ADCY2: variants seen among roughly 807,000 people sequenced by gnomAD.
ADCY2 encodes adenylate cyclase type 2.
A neutral mutation model predicts 125.2 loss-of-function variants in ADCY2; 31 were observed. That is an observed-to-expected ratio of 0.25 (90% confidence interval 0.19 to 0.33). The LOEUF (loss-of-function observed/expected upper bound fraction) is 0.33, where lower values mean the gene tolerates loss of function less well. Among genes scored for constraint, ADCY2 ranks in the 10% least tolerant of loss-of-function variants. ADCY2 has a pLI of 1.00. For synonymous variants in ADCY2, 512 were observed against 548.4 expected (o/e 0.93, Z 0.93); for missense variants, 904 against 1,418.2 (o/e 0.64, Z 5.82).
chr5:7,675,570 A>C (rs1034617174), intron 4 of ADCY2, among the ~76,000 whole-genome samples: 6 of 152,222 alleles, frequency 3.9e-5, no homozygotes, highest in Admixed American at 1.3e-4. Context: ...CGAGGCTAAC[A>C]TATGAAGGTT....
At chr5:7,738,105 C>T (rs1271914948) in intron 14 of ADCY2, among the ~76,000 whole-genome samples, 1 of 152,132 alleles carries the variant, frequency 6.6e-6, no homozygotes. Context: ...AAGTATTGGA[C>T]ATGCTTACTT....
intron 4 of ADCY2, among the ~76,000 whole-genome samples, chr5:7,683,082 G>A (rs544629357): frequency 3.3e-5 from 5 of 152,310 alleles, no homozygotes; most frequent in East Asian, 1.9e-4. Flanking sequence ...GGACTGCAAG[G>A]CAGACAAGTG....
intron 3 of ADCY2, among the ~76,000 whole-genome samples, chr5:7,538,312 G>A (rs1004453928): frequency 1.3e-5 from 2 of 152,144 alleles, no homozygotes; most frequent in Non-Finnish European, 2.9e-5. Flanking sequence ...ATGAATTTTA[G>A]TAAGTGATTT....
At chr5:7,736,890 C>T (rs1441876729) in intron 14 of ADCY2, among the ~76,000 whole-genome samples, 1 of 151,842 alleles carries the variant, frequency 6.6e-6, no homozygotes, top group Non-Finnish European at 1.5e-5. Flanking sequence ...AATTGAAGGC[C>T]AATATAATTC....
chr5:7,647,571 T>C (rs1428528), intron 4 of ADCY2, among the ~76,000 whole-genome samples: 22,549 of 152,084 alleles, frequency 0.15, 2,068 homozygotes, highest in East Asian at 0.44. Flanking sequence ...GCCCTAAATA[T>C]TTGGGAAAAG....
rs755890069 is a variant in ADCY2, at chr5:7,802,316, C to T, written c.2727C>T (p.Gly909=). The T allele has an allele frequency of 1.7e-5, 27 of 1,614,052 alleles. No homozygotes were observed. In the East Asian group the frequency reaches 5.6e-4, roughly 33 times the overall value. ...CAGAATCCGACGTGAACAAGGAGGG[C>T]TTGGAATGCCTTCGGCTCCTGAACG... The part of the protein sequence containing the change: ...FYTESDVNKE[G]LECLRLLNEI... The change falls in exon 21 of 25, where the codon GGC becomes GGT. Residue 909 remains glycine (G), a synonymous_variant. Transcript: ENST00000338316. The surrounding 1 kb of genome is among the most constrained non-coding windows in gnomAD (Gnocchi z 4.6).
At chr5:7,412,861 G>GC (rs886759773) in intron 1 of ADCY2, among the ~76,000 whole-genome samples, 1 of 152,168 alleles carries the variant, frequency 6.6e-6, no homozygotes, top group Non-Finnish European at 1.5e-5. Context: ...TAACACTAGT[G>GC]CCCCCCATCC....
intron 2 of ADCY2, among the ~76,000 whole-genome samples, chr5:7,431,303 C>T (rs944460372): frequency 3.9e-5 from 6 of 152,124 alleles, no homozygotes; most frequent in Non-Finnish European, 5.9e-5. Context: ...AAAGTATAAG[C>T]TTATCAGTAA....
intron 3 of ADCY2, among the ~76,000 whole-genome samples, chr5:7,612,792 G>A (rs1022909136): frequency 2.6e-5 from 4 of 152,110 alleles, no homozygotes; most frequent in African/African-American, 4.8e-5. Context: ...CGAGGCTGGC[G>A]GATCACAAGG....
At chr5:7,467,990 A>G (rs896941216) in intron 2 of ADCY2, among the ~76,000 whole-genome samples, 8 of 152,246 alleles carry the variant, frequency 5.3e-5, no homozygotes, top group African/African-American at 1.9e-4. Flanking sequence ...TAATTCCATA[A>G]GAAGAACAGT....
intron 2 of ADCY2, among the ~76,000 whole-genome samples, chr5:7,431,524 A>G (rs1051147104): frequency 5.2e-5 from 3 of 58,208 alleles, no homozygotes; most frequent in African/African-American, 2.7e-4. Flanking sequence ...AAAGGTGGGA[A>G]CTATTAAAAA....
In ADCY2 at chr5:7,820,003, T is replaced by G. The variant is rs551579321; in HGVS notation, c.2999-562T>G. 3.9e-5 allele frequency among the ~76,000 whole-genome samples: 6 copies of G among 152,300 alleles called. No individual in the cohort carries two copies. In the South Asian group the frequency reaches 1.2e-3, roughly 32 times the overall value. On this transcript the variant is annotated intron_variant, in intron 23 of 24. Coordinates refer to ENST00000338316, the MANE Select transcript of ADCY2 (RefSeq NM_020546.3). ...GCAAGGCTGGAACCGCAGGCCAGTG[T>G]CCAGCGGCTGACCCCTGGGTGCTCT...
intron 3 of ADCY2, among the ~76,000 whole-genome samples, chr5:7,576,892 A>T (rs1301566102): frequency 6.6e-6 from 1 of 152,198 alleles, no homozygotes; most frequent in African/African-American, 2.4e-5. Flanking sequence ...TAAAATTGGC[A>T]GACTATTTTA....
At position 7,589,428 on chromosome 5, in the gene ADCY2, G is replaced by A. The variant is rs1331790351; in HGVS notation, c.571-36739G>A. 3.0e-5 allele frequency among the ~76,000 whole-genome samples: 3 copies of A among 101,464 alleles called. 1 individual carries two copies. The highest frequency in any genetic ancestry group is 7.1e-5 in the African/African-American group (2 of 27,984). 66.6% of individuals were successfully genotyped at this position (101,464 alleles called of 152,430 possible). A position where few individuals can be genotyped will look rare whatever the true frequency, so the allele number is the denominator to read the frequency against. On this transcript the variant is annotated intron_variant, in intron 3 of 24. Transcript: ENST00000338316. The stretch of plus-strand genomic sequence containing the variant: ...AGAAAGAGGAAGGAAGGGAGGGAGG[G>A]AGGGATAGAAAGAAAGAAAGAAGGA...
intron 2 of ADCY2, among the ~76,000 whole-genome samples, chr5:7,459,203 G>A (rs1001491298): frequency 1.3e-5 from 2 of 152,142 alleles, no homozygotes; most frequent in African/African-American, 4.8e-5. Context: ...TTAAGCCACT[G>A]TTTCATCAAG....
intron 3 of ADCY2, among the ~76,000 whole-genome samples, chr5:7,589,513 A>AGAAAGAAAGAG (rs59996236): frequency 9.7e-6 from 1 of 103,276 alleles, no homozygotes; most frequent in African/African-American, 3.2e-5. Context: ...AAAGAAAGAA[A>AGAAAGAAAGAG]AGAAAAGAAA....
chr5:7,458,322 G>A (rs1195033258), intron 2 of ADCY2, among the ~76,000 whole-genome samples: 1 of 152,174 alleles, frequency 6.6e-6, no homozygotes, highest in East Asian at 1.9e-4. Flanking sequence ...AATTATTAAT[G>A]AGAGTAATGA....
At chr5:7,823,829 GA>G (rs1404425804) in intron 24 of ADCY2, among the ~76,000 whole-genome samples, 2 of 152,178 alleles carry the variant, frequency 1.3e-5, no homozygotes, top group Admixed American at 6.5e-5. Flanking sequence ...GTCGATGTTT[GA>G]AATGAGTTTG....
intron 3 of ADCY2, among the ~76,000 whole-genome samples, chr5:7,596,341 C>T (rs1041437934): frequency 1.3e-5 from 2 of 151,990 alleles, no homozygotes; most frequent in African/African-American, 2.4e-5. Context: ...CAGGTCCACA[C>T]GAATAAGTAT....
Sources: allele counts gnomAD v4.1 joint callset (sites outside exome capture counted in the v4.1 genomes callset), GRCh38; gene constraint gnomAD v4.1.1; non-coding constraint Gnocchi (gnomAD v3.1); transcripts MANE v1.5; gene names NCBI Gene and HGNC (gene_info 2026-07-23, HGNC 2026-07-21).